PAPPA: variants seen among roughly 807,000 people sequenced by gnomAD.
PAPPA encodes the protein pappalysin 1, also known as pappalysin-1.
A neutral mutation model predicts 164.0 loss-of-function variants in PAPPA; 60 were observed. That is an observed-to-expected ratio of 0.37 (90% CI 0.30 to 0.45). The LOEUF (loss-of-function observed/expected upper bound fraction) is 0.45. Ranked by LOEUF, PAPPA falls within the 20% of genes least tolerant of loss-of-function variation. The pLI is 1.00. For missense variants in PAPPA, 1,782 were observed against 2,087.3 expected, an observed-to-expected ratio of 0.85 and a Z score of 2.85; for synonymous variants, 875 against 814.1, an observed-to-expected ratio of 1.07 and a Z score of -1.27.
At chr9:116,298,124 GC>G (rs1223712539) in intron 9 of PAPPA, among the ~76,000 whole-genome samples, 2 of 152,186 alleles carry the variant, frequency 1.3e-5, no homozygotes, top group Non-Finnish European at 2.9e-5. Context: ...GGTTTTCCAA[GC>G]TTTCAAATGG....
chr9:116,184,301 A>C (rs540374032), intron 1 of PAPPA, among the ~76,000 whole-genome samples: 1 of 152,170 alleles, frequency 6.6e-6, no homozygotes, highest in Non-Finnish European at 1.5e-5. Flanking sequence ...GCAGCTTTTA[A>C]TATGTAGTCT....
intron 13 of PAPPA, among the ~76,000 whole-genome samples, chr9:116,336,249 AG>A (rs1376302116): frequency 6.6e-6 from 1 of 151,778 alleles, no homozygotes; most frequent in Non-Finnish European, 1.5e-5. Context: ...GAAAAAAAAA[AG>A]AGAAGAGGGG....
intron 7 of PAPPA, among the ~76,000 whole-genome samples, chr9:116,248,265 T>C (rs1380420477): frequency 6.6e-6 from 1 of 152,196 alleles, no homozygotes; most frequent in Non-Finnish European, 1.5e-5. Flanking sequence ...AAACACACCA[T>C]GTGCTGGCCC....
intron 21 of PAPPA, among the ~76,000 whole-genome samples, chr9:116,394,599 T>G (rs543181760): frequency 1.3e-5 from 2 of 152,222 alleles, no homozygotes; most frequent in African/African-American, 4.8e-5. Flanking sequence ...AGTTCTAATA[T>G]TCTGTGCTTC....
chr9:116,198,261 C>T (rs567850781), intron 2 of PAPPA, among the ~76,000 whole-genome samples: 1 of 152,350 alleles, frequency 6.6e-6, no homozygotes, highest in East Asian at 1.9e-4. Context: ...TTGAACACAG[C>T]ATCACAATTC....
intron 13 of PAPPA, among the ~76,000 whole-genome samples, chr9:116,340,567 C>A (rs928248550): frequency 6.6e-6 from 1 of 152,164 alleles, no homozygotes; most frequent in African/African-American, 2.4e-5. Context: ...GTGGCCAATG[C>A]CTGACACATA....
intron 12 of PAPPA, 54 bp from the exon 13 acceptor site, chr9:116,334,807 G>C (rs1338621017): frequency 1.2e-5 from 17 of 1,389,298 alleles, no homozygotes; most frequent in Non-Finnish European, 1.6e-5. Context: ...GGGAGGGCGT[G>C]ACTGGCCTTG....
At chr9:116,195,168 A>T (rs1336781800) in intron 2 of PAPPA, among the ~76,000 whole-genome samples, 1 of 152,134 alleles carries the variant, frequency 6.6e-6, no homozygotes, top group Non-Finnish European at 1.5e-5. Context: ...TTGAGGGTTG[A>T]TACACAGACA....
At chr9:116,212,476 A>AC (rs1844320360) in intron 4 of PAPPA, among the ~76,000 whole-genome samples, 1 of 152,028 alleles carries the variant, frequency 6.6e-6, no homozygotes, top group Non-Finnish European at 1.5e-5. Flanking sequence ...AGAACAAGAC[A>AC]CCCCTTCCTC....
rs568314417 is a variant in PAPPA at position 116,180,322 on chromosome 9, T to C, written c.416-6832T>C. Among the ~76,000 whole-genome samples the C allele has an allele frequency of 4.6e-5, 7 of 152,166 alleles. No homozygotes were observed. The South Asian group carries it at 1.0e-3, about 23-fold the overall frequency. Reference sequence around the variant, plus strand: ...GCACCAATCCACCATGGAAAGCATCTTGGTGGGGAGCTTTGGCTCTGGAGT... The same window carrying C: ...GCACCAATCCACCATGGAAAGCATCCTGGTGGGGAGCTTTGGCTCTGGAGT... On this transcript the variant is annotated intron_variant, in intron 1 of 21. Coordinates refer to ENST00000328252, the MANE Select transcript of PAPPA (RefSeq NM_002581.5).
At chr9:116,164,420 TAA>T (rs1472719095) in intron 1 of PAPPA, among the ~76,000 whole-genome samples, 4 of 152,236 alleles carry the variant, frequency 2.6e-5, no homozygotes, top group Non-Finnish European at 5.9e-5. Context: ...TGGAAGAATA[TAA>T]GAGGTTCCCC....
At chr9:116,211,582 C>T in intron 3 of PAPPA, 57 bp from the exon 4 acceptor site, 4 of 1,505,818 alleles carry the variant, frequency 2.7e-6, no homozygotes, top group Non-Finnish European at 3.7e-6. Flanking sequence ...CTTGGGGGTT[C>T]TTGCACCAAG....
At chr9:116,265,836 T>C (rs1165160432) in intron 7 of PAPPA, 21 bp from the exon 8 acceptor site, 1 of 1,577,598 alleles carries the variant, frequency 6.3e-7, no homozygotes. Context: ...TGTATAATTA[T>C]GTCTTCTTTG....
intron 3 of PAPPA, among the ~76,000 whole-genome samples, chr9:116,208,479 G>C (rs1844265380): frequency 6.6e-6 from 1 of 152,024 alleles, no homozygotes; most frequent in South Asian, 2.1e-4. Context: ...CCTCTCTAAA[G>C]CCAAGATTTT....
At chr9:116,385,882 T>C (rs1399667025) in intron 21 of PAPPA, among the ~76,000 whole-genome samples, 1 of 152,230 alleles carries the variant, frequency 6.6e-6, no homozygotes, top group Non-Finnish European at 1.5e-5. Context: ...GAGCCTGTTA[T>C]TAAGCAGGGA....
Position 116,235,233 on chromosome 9 carries a change from T to C in PAPPA, c.2328T>C (p.Pro776=), listed in dbSNP as rs776916091. The C allele has an allele frequency of 1.1e-5, 18 of 1,614,042 alleles. No homozygotes were observed. The East Asian group carries it at 3.6e-4, about 32-fold the overall frequency. The part of the protein sequence containing the change: ...VNPHTVPPAC[P]EPQGCYLELE... ...CACACACGGTTCCTCCAGCCTGCCC[T>C]GAGCCTCAAGGCTGCTACCTCGAGC... Residue 776 remains proline (P), a synonymous_variant, in exon 7 of 22, where the codon CCT becomes CCC. Transcript: ENST00000328252.
At chr9:116,202,840 GTAT>G (rs1844187938) in intron 2 of PAPPA, among the ~76,000 whole-genome samples, 5 of 152,090 alleles carry the variant, frequency 3.3e-5, no homozygotes. Flanking sequence ...AAAAAAATAT[GTAT>G]TTAACCTTGT....
At chr9:116,255,086 C>T (rs918782080) in intron 7 of PAPPA, among the ~76,000 whole-genome samples, 2 of 151,710 alleles carry the variant, frequency 1.3e-5, no homozygotes, top group African/African-American at 2.4e-5. Context: ...ATATAATATA[C>T]TCTGAGTTTC....
Position 116,396,623 on chromosome 9 carries a change from AC to A in PAPPA, c.*8del, listed in dbSNP as rs755939255. ...GGGATACAGCCATGGCTAAGGAAGG[AC>A]AAGAAGTTGTCAAAGAATTCCCAAC... On this transcript the variant is annotated 3_prime_UTR_variant, in exon 22 of 22. Coordinates refer to ENST00000328252, the MANE Select transcript of PAPPA (RefSeq NM_002581.5). The A allele has an allele frequency of 1.3e-6, 1 of 779,848 alleles. No individual in the cohort carries two copies. Among genetic ancestry groups the A allele is most frequent in the Non-Finnish European group, 2.4e-6 (1 of 417,564 alleles). 48.3% of individuals were successfully genotyped at this position (779,848 alleles called of 1,614,324 possible).
Sources: gnomAD v4.1 joint callset for allele counts (sites outside exome capture counted in the v4.1 genomes callset) on GRCh38, gnomAD v4.1.1 for gene constraint, MANE v1.5 for transcripts, NCBI Gene and HGNC (gene_info 2026-07-23, HGNC 2026-07-21) for gene names.